Variants in ASXL2 observed in about 807,000 individuals in gnomAD.
ASXL2 encodes putative Polycomb group protein ASXL2.
A neutral mutation model predicts 122.0 loss-of-function variants in ASXL2; 23 were observed. The ratio of observed to expected loss-of-function variants is 0.19; its 90% CI spans 0.14 to 0.27. The LOEUF (loss-of-function observed/expected upper bound fraction) is 0.27, where lower values mean the gene tolerates loss of function less well. Ranked by LOEUF, ASXL2 falls within the 10% of genes least tolerant of loss-of-function variation. ASXL2 has a pLI of 1.00. For synonymous variants in ASXL2, 650 were observed against 637.0 expected (o/e 1.02, Z -0.31); for missense variants, 1,518 against 1,713.8 (o/e 0.89, Z 2.02).
At chr2:25,870,212 C>T (rs2089952915) in intron 1 of ASXL2, among the ~76,000 whole-genome samples, 2 of 152,046 alleles carry the variant, frequency 1.3e-5, no homozygotes, top group South Asian at 4.1e-4. Flanking sequence ...CCCATCTGTA[C>T]AAAAAATAAA....
chr2:25,772,877 C>A (rs921035457), intron 5 of ASXL2, among the ~76,000 whole-genome samples: 2 of 151,846 alleles, frequency 1.3e-5, no homozygotes, highest in African/African-American at 4.8e-5. Context: ...AAGGAATGCA[C>A]AGCAGATGCA....
intron 1 of ASXL2, among the ~76,000 whole-genome samples, chr2:25,850,146 T>C (rs1435440685): frequency 6.6e-6 from 1 of 151,830 alleles, no homozygotes; most frequent in African/African-American, 2.4e-5. Context: ...ATTTCATTCA[T>C]TATTATTGTA....
chr2:25,813,668 C>G lies in ASXL2; in HGVS notation c.144-7331G>C, dbSNP rs112365861. Among the ~76,000 whole-genome samples the G allele has an allele frequency of 4.2e-3, 634 of 152,266 alleles. 5 individuals are homozygous for G. Among genetic ancestry groups the G allele is most frequent in the African/African-American group, 0.014 (588 of 41,554 alleles). On this transcript the variant is annotated intron_variant, in intron 3 of 12. Coordinates refer to ENST00000435504, the MANE Select transcript of ASXL2 (RefSeq NM_018263.6). ...TTAGCACTTAGAAGAGTAACAACAA[C>G]AAATAACAACAAAACAGTCATTAAA...
At position 25,878,486 on chromosome 2, in the gene ASXL2, G is replaced by A. The variant is rs2090030107; in HGVS notation, c.-264C>T. The stretch of plus-strand genomic sequence containing the variant: ...CTGTACAGGCTGCCGCTACGGTCAT[G>A]TGACCGCTCCCGCGCGGCCGTCACT... On this transcript the variant is annotated 5_prime_UTR_variant, in exon 1 of 13. Coordinates refer to ENST00000435504, the MANE Select transcript of ASXL2 (RefSeq NM_018263.6). The A allele has an allele frequency of 2.1e-6, 1 of 484,018 alleles. No individual in the cohort carries two copies. 30.0% of individuals were successfully genotyped at this position (484,018 alleles called of 1,614,324 possible). A position where few individuals can be genotyped will look rare whatever the true frequency, so the allele number is the denominator to read the frequency against.
chr2:25,780,765 A>T (rs1383305111), intron 5 of ASXL2, among the ~76,000 whole-genome samples: 2 of 152,220 alleles, frequency 1.3e-5, no homozygotes, highest in African/African-American at 4.8e-5. Flanking sequence ...GAGAAAAAAA[A>T]TTCTTTATTT....
At chr2:25,790,331 G>T (rs2088811654) in intron 5 of ASXL2, among the ~76,000 whole-genome samples, 2 of 138,158 alleles carry the variant, frequency 1.4e-5, no homozygotes, top group South Asian at 4.9e-4. Flanking sequence ...TGGGGGTGGG[G>T]GGGGTGTGAG....
chr2:25,766,460 C>CCTCTT (rs2088352840), intron 8 of ASXL2, among the ~76,000 whole-genome samples: 1 of 152,190 alleles, frequency 6.6e-6, no homozygotes. Context: ...TCCTACTGAA[C>CCTCTT]CTCTTTTTAA....
intron 12 of ASXL2, among the ~76,000 whole-genome samples, chr2:25,745,369 C>T (rs556499438): frequency 1.3e-5 from 2 of 151,334 alleles, no homozygotes; most frequent in African/African-American, 4.9e-5. Flanking sequence ...TGGGTCACCA[C>T]GTCTGGCTAA....
At chr2:25,748,308 G>A (rs556979072) in intron 12 of ASXL2, among the ~76,000 whole-genome samples, 1 of 152,080 alleles carries the variant, frequency 6.6e-6, no homozygotes, top group Non-Finnish European at 1.5e-5. Context: ...GGACCAGCCT[G>A]GCCAACATGG....
At chr2:25,783,181 T>C (rs1319541044) in intron 5 of ASXL2, among the ~76,000 whole-genome samples, 1 of 152,166 alleles carries the variant, frequency 6.6e-6, no homozygotes, top group African/African-American at 2.4e-5. Context: ...TGAATTTCTC[T>C]GAACATGTGG....
At chr2:25,873,829 C>A (rs1278529260) in intron 1 of ASXL2, among the ~76,000 whole-genome samples, 1 of 151,964 alleles carries the variant, frequency 6.6e-6, no homozygotes, top group East Asian at 1.9e-4. Context: ...GCCTCTCTAT[C>A]CCTTCCACCT....
At position 25,878,310 on chromosome 2, in the gene ASXL2, G is replaced by C; in HGVS notation, c.-88C>G. 1.4e-6 allele frequency: 2 copies of C among 1,445,496 alleles called. No individual in the cohort carries two copies. Among genetic ancestry groups the C allele is most frequent in the Non-Finnish European group, 1.9e-6 (2 of 1,040,598 alleles). The allele number at this position is 1,445,496 out of a possible 1,614,324, so 89.5% of individuals were successfully genotyped here. A position where few individuals can be genotyped will look rare whatever the true frequency, so the allele number is the denominator to read the frequency against. On this transcript the variant is annotated 5_prime_UTR_variant, in exon 1 of 13. Transcript: ENST00000435504. ...TCTGCCCTGCGCTGCTTTTCCCGCG[G>C]TGCCGGGAAAGGTGGGAGAAAAGGG...
Position 25,744,877 on chromosome 2 carries a change from C to G in ASXL2, c.1861-401G>C, listed in dbSNP as rs1416384213. ...AGCCAGCCACCCATACCACTACTGT[C>G]TTTTAGTTCTTAGCTTTACTACCAA... On this transcript the variant is annotated intron_variant, in intron 12 of 12. Transcript: ENST00000435504. This position sits in a 1 kb window ranked among gnomAD's most constrained non-coding sequence, Gnocchi z 4.7. Among the ~76,000 whole-genome samples the G allele has an allele frequency of 6.6e-6, 1 of 151,878 alleles. No homozygotes were observed. The highest frequency in any genetic ancestry group is 1.5e-5 in the Non-Finnish European group (1 of 67,982).
intron 5 of ASXL2, among the ~76,000 whole-genome samples, chr2:25,773,583 A>G (rs1312661970): frequency 6.7e-6 from 1 of 148,668 alleles, no homozygotes; most frequent in Non-Finnish European, 1.5e-5. Context: ...GGAGAATGGC[A>G]TGAACCTGGG....
At chr2:25,791,958 T>A (rs1182076031) in intron 5 of ASXL2, among the ~76,000 whole-genome samples, 1 of 152,230 alleles carries the variant, frequency 6.6e-6, no homozygotes, top group Non-Finnish European at 1.5e-5. Context: ...TAATACAGAC[T>A]GGAGAAGGCA....
chr2:25,838,720 G>C (rs79873113), intron 2 of ASXL2, among the ~76,000 whole-genome samples: 2 of 152,090 alleles, frequency 1.3e-5, no homozygotes, highest in Non-Finnish European at 2.9e-5. Context: ...AAAGGAAAGC[G>C]CTTTTTTAAA....
intron 4 of ASXL2, among the ~76,000 whole-genome samples, chr2:25,802,810 T>C (rs976125876): frequency 7.9e-5 from 12 of 152,096 alleles, no homozygotes; most frequent in African/African-American, 2.9e-4. Flanking sequence ...AAAAACCCAA[T>C]GGATTGGGTT....
At chr2:25,783,108 G>A (rs1376257479) in intron 5 of ASXL2, among the ~76,000 whole-genome samples, 1 of 152,068 alleles carries the variant, frequency 6.6e-6, no homozygotes, top group Non-Finnish European at 1.5e-5. Flanking sequence ...CAGCCTGGGG[G>A]ACAGAATGAG....
chr2:25,819,007 T>C (rs1159372416), intron 3 of ASXL2, among the ~76,000 whole-genome samples: 1 of 152,218 alleles, frequency 6.6e-6, no homozygotes, highest in East Asian at 1.9e-4. Flanking sequence ...TGAGGAAGCA[T>C]GTGGCCATGT....
Sources: allele counts gnomAD v4.1 joint callset (sites outside exome capture counted in the v4.1 genomes callset), GRCh38; gene constraint gnomAD v4.1.1; non-coding constraint Gnocchi (gnomAD v3.1); transcripts MANE v1.5; gene names NCBI Gene and HGNC (gene_info 2026-07-23, HGNC 2026-07-21).